The following FBXL17 variants were observed in gnomAD, a reference collection of about 807,000 sequenced individuals.
FBXL17 encodes F-box/LRR-repeat protein 17.
Under a neutral mutation model 66.2 loss-of-function variants are expected in FBXL17, and 22 were observed. The ratio of observed to expected loss-of-function variants is 0.33; its 90% CI spans 0.24 to 0.47. The LOEUF (loss-of-function observed/expected upper bound fraction) is 0.47. FBXL17 is among the 20% of genes least tolerant of loss of function. The pLI, the probability that FBXL17 is intolerant of heterozygous loss-of-function variation, is 1.00. For missense variants in FBXL17, 878 were observed against 948.2 expected, an observed-to-expected ratio of 0.93 and a Z score of 0.97; for synonymous variants, 474 against 400.5, an observed-to-expected ratio of 1.18 and a Z score of -2.19.
intron 7 of FBXL17, among the ~76,000 whole-genome samples, chr5:107,994,892 CAT>C (rs1228070237): frequency 9.9e-5 from 15 of 151,964 alleles, no homozygotes; most frequent in Non-Finnish European, 1.9e-4. Context: ...TATAATGTCA[CAT>C]ATGTTTAAAA....
At chr5:108,017,553 A>T (rs975879642) in intron 7 of FBXL17, among the ~76,000 whole-genome samples, 5 of 152,222 alleles carry the variant, frequency 3.3e-5, no homozygotes, top group Admixed American at 3.3e-4. Flanking sequence ...TGTGGCATGT[A>T]TCATCACGTG....
chr5:108,015,416 C>A (rs1057331353), intron 7 of FBXL17, among the ~76,000 whole-genome samples: 1 of 151,978 alleles, frequency 6.6e-6, no homozygotes, highest in African/African-American at 2.4e-5. Flanking sequence ...AGAGTTATTC[C>A]TGCTGACAAA....
At chr5:108,224,307 A>C (rs1754999957) in intron 4 of FBXL17, 79 bp from the exon 5 acceptor site, 2 of 673,462 alleles carry the variant, frequency 3.0e-6, no homozygotes, top group African/African-American at 3.6e-5. Flanking sequence ...AAATCCTCTC[A>C]GCCCCACCTT....
chr5:108,139,014 A>G (rs1057314654), intron 6 of FBXL17, among the ~76,000 whole-genome samples: 6 of 152,212 alleles, frequency 3.9e-5, no homozygotes, highest in African/African-American at 1.4e-4. Flanking sequence ...ATCAGGAGTA[A>G]TCTTGTATTC....
intron 4 of FBXL17, among the ~76,000 whole-genome samples, chr5:108,273,484 T>C (rs1213211630): frequency 6.6e-6 from 1 of 152,036 alleles, no homozygotes; most frequent in East Asian, 1.9e-4. Flanking sequence ...ATATTTATTA[T>C]GAATAACTCT....
chr5:108,273,094 GGGGA>G (rs1306914282), intron 4 of FBXL17, among the ~76,000 whole-genome samples: 1 of 152,160 alleles, frequency 6.6e-6, no homozygotes, highest in Non-Finnish European at 1.5e-5. Context: ...AGTTTCAAAA[GGGGA>G]GGGAGTGCGC....
chr5:108,156,143 AT>A (rs1398844345), intron 6 of FBXL17, among the ~76,000 whole-genome samples: 2 of 152,128 alleles, frequency 1.3e-5, no homozygotes, highest in East Asian at 3.9e-4. Context: ...CTTATTTTTA[AT>A]TTTCCTTCTC....
intron 6 of FBXL17, among the ~76,000 whole-genome samples, chr5:108,025,734 C>CAA (rs1310000492): frequency 6.7e-6 from 1 of 148,980 alleles, no homozygotes; most frequent in Non-Finnish European, 1.5e-5. Flanking sequence ...CGCGCACACA[C>CAA]ACACACACAC....
intron 3 of FBXL17, among the ~76,000 whole-genome samples, chr5:108,357,193 A>C (rs1748054129): frequency 6.6e-6 from 1 of 152,102 alleles, no homozygotes; most frequent in Non-Finnish European, 1.5e-5. Flanking sequence ...AACAGCTATA[A>C]TAACTTCAGA....
chr5:108,380,602 C>G lies in FBXL17; in HGVS notation c.993+97G>C, dbSNP rs1221951750. 7.8e-6 allele frequency: 6 copies of G among 765,394 alleles called. No individual in the cohort carries two copies. In the East Asian group the frequency reaches 1.4e-4, roughly 17 times the overall value. The allele number at this position is 765,394 out of a possible 1,614,324, so 47.4% of individuals were successfully genotyped here. On this transcript the variant is annotated intron_variant, in intron 1 of 8. Transcript: ENST00000542267. ...CGTCCCTAGGCTGCCAGGGAACCCC[C>G]CTCCTCCGCGCTTAGGGGGAGGAGA...
intron 4 of FBXL17, among the ~76,000 whole-genome samples, chr5:108,241,404 G>C (rs1010196065): frequency 6.6e-6 from 1 of 152,044 alleles, no homozygotes; most frequent in Non-Finnish European, 1.5e-5. Flanking sequence ...TGATCAAGCA[G>C]AGAATCAGTG....
chr5:107,922,168 T>C (rs1750346791), intron 7 of FBXL17, among the ~76,000 whole-genome samples: 1 of 152,206 alleles, frequency 6.6e-6, no homozygotes, highest in Non-Finnish European at 1.5e-5. Flanking sequence ...TGGTTTGCAA[T>C]GTGTGCTCTA....
chr5:108,075,072 A>G (rs961959804), intron 6 of FBXL17, among the ~76,000 whole-genome samples: 2 of 152,176 alleles, frequency 1.3e-5, no homozygotes, highest in African/African-American at 2.4e-5. Flanking sequence ...TTTTTTAAAG[A>G]TCTAGACGGT....
At chr5:108,249,456 T>C (rs1315799384) in intron 4 of FBXL17, among the ~76,000 whole-genome samples, 2 of 152,162 alleles carry the variant, frequency 1.3e-5, no homozygotes, top group African/African-American at 2.4e-5. Flanking sequence ...TACCAACATA[T>C]TAATTTATAG....
At chr5:108,041,008 ACCAGGTTATATAATCTCTGTGATCCTAT>A (rs1278588012) in intron 6 of FBXL17, among the ~76,000 whole-genome samples, 4 of 152,194 alleles carry the variant, frequency 2.6e-5, no homozygotes, top group Non-Finnish European at 5.9e-5. Flanking sequence ...ATGAATACAG[ACCAGGTTATATAATCTCTGTGATCCTAT>A]CATCTTAATA....
intron 7 of FBXL17, among the ~76,000 whole-genome samples, chr5:108,017,014 G>A (rs1754413905): frequency 6.6e-6 from 1 of 151,954 alleles, no homozygotes; most frequent in South Asian, 2.1e-4. Context: ...CCTGACCTCA[G>A]GTGATCCACC....
intron 6 of FBXL17, among the ~76,000 whole-genome samples, chr5:108,058,971 C>T (rs1307962626): frequency 1.3e-5 from 2 of 152,172 alleles, no homozygotes; most frequent in African/African-American, 4.8e-5. Flanking sequence ...CTGCACAAAA[C>T]AGGTAGACTT....
chr5:107,964,148 A>G (rs996035851), intron 7 of FBXL17, among the ~76,000 whole-genome samples: 2 of 152,144 alleles, frequency 1.3e-5, no homozygotes, highest in African/African-American at 4.8e-5. Context: ...TTTTTACTTC[A>G]CTTTGTGTAG....
At chr5:108,252,806 CA>C (rs927029850) in intron 4 of FBXL17, among the ~76,000 whole-genome samples, 2 of 152,104 alleles carry the variant, frequency 1.3e-5, no homozygotes, top group Non-Finnish European at 2.9e-5. Context: ...TATTTCACCC[CA>C]AAGCTGGGTA....
Sources: gnomAD v4.1 joint callset for allele counts (sites outside exome capture counted in the v4.1 genomes callset) on GRCh38, gnomAD v4.1.1 for gene constraint, MANE v1.5 for transcripts, NCBI Gene and HGNC (gene_info 2026-07-23, HGNC 2026-07-21) for gene names.